Variants in ASIC2 observed in about 807,000 individuals in gnomAD.
The protein encoded by ASIC2 is acid-sensing ion channel 2.
A neutral mutation model predicts 57.3 loss-of-function variants in ASIC2; 25 were observed. That is an observed-to-expected ratio of 0.44 (90% CI 0.32 to 0.61). The LOEUF is 0.61. Among genes scored for constraint, ASIC2 ranks in the 20% least tolerant of loss-of-function variants. ASIC2 has a pLI of 0.06. For missense variants in ASIC2, 641 were observed against 738.1 expected, an observed-to-expected ratio of 0.87 and a Z score of 1.52; for synonymous variants, 319 against 307.5, an observed-to-expected ratio of 1.04 and a Z score of -0.39.
intron 1 of ASIC2, among the ~76,000 whole-genome samples, chr17:33,781,304 G>A (rs72814927): frequency 0.024 from 3,688 of 152,362 alleles, 77 homozygotes; most frequent in Non-Finnish European, 0.041. Context: ...CAGCATTTCT[G>A]AGTGGCTGGC....
intron 1 of ASIC2, among the ~76,000 whole-genome samples, chr17:33,422,356 C>G (rs1414254881): frequency 1.3e-5 from 2 of 152,194 alleles, no homozygotes; most frequent in Admixed American, 1.3e-4. Context: ...CCCACAGCTC[C>G]ACCCTGGGAA....
chr17:33,990,761 C>A (rs1427337662), intron 1 of ASIC2, among the ~76,000 whole-genome samples: 1 of 152,088 alleles, frequency 6.6e-6, no homozygotes, highest in African/African-American at 2.4e-5. Flanking sequence ...ATAAAGGGTG[C>A]ACCAAGGAGG....
chr17:33,976,208 T>C (rs1905380808), intron 1 of ASIC2, among the ~76,000 whole-genome samples: 1 of 151,656 alleles, frequency 6.6e-6, no homozygotes, highest in South Asian at 2.1e-4. Context: ...CTCAAATAAC[T>C]GTTGAGTGAG....
intron 1 of ASIC2, among the ~76,000 whole-genome samples, chr17:33,416,940 T>C (rs939252664): frequency 6.6e-6 from 1 of 152,086 alleles, no homozygotes; most frequent in African/African-American, 2.4e-5. Flanking sequence ...TCCCTGCCCA[T>C]GCTAGACAGT....
chr17:33,837,867 G>A (rs1464492387), intron 1 of ASIC2, among the ~76,000 whole-genome samples: 1 of 151,912 alleles, frequency 6.6e-6, no homozygotes, highest in African/African-American at 2.4e-5. Flanking sequence ...TCTACATCCA[G>A]GTCTCTGTGC....
intron 1 of ASIC2, among the ~76,000 whole-genome samples, chr17:33,123,753 A>G (rs868186455): frequency 2.0e-5 from 3 of 152,246 alleles, no homozygotes; most frequent in South Asian, 2.1e-4. Context: ...TACTGCTGTG[A>G]GTGTGCTTTA....
At chr17:33,455,562 T>C (rs550603319) in intron 1 of ASIC2, among the ~76,000 whole-genome samples, 1 of 152,386 alleles carries the variant, frequency 6.6e-6, no homozygotes, top group South Asian at 2.1e-4. Context: ...ATGGTGAATA[T>C]GCAACACATT....
At chr17:33,331,643 T>G (rs1907315811) in intron 1 of ASIC2, among the ~76,000 whole-genome samples, 1 of 152,254 alleles carries the variant, frequency 6.6e-6, no homozygotes, top group Admixed American at 6.5e-5. Flanking sequence ...CCCTTTGTTA[T>G]GTCACATAAT....
At chr17:33,883,531 T>A (rs1246353747) in intron 1 of ASIC2, among the ~76,000 whole-genome samples, 1 of 152,150 alleles carries the variant, frequency 6.6e-6, no homozygotes, top group Non-Finnish European at 1.5e-5. Flanking sequence ...CTAAGCAGCC[T>A]CATCTAGTGC....
chr17:33,813,515 C>T (rs918430450), intron 1 of ASIC2, among the ~76,000 whole-genome samples: 2 of 152,214 alleles, frequency 1.3e-5, no homozygotes, highest in Non-Finnish European at 2.9e-5. Flanking sequence ...TGGCTCACTG[C>T]AAGCTCCACC....
intron 3 of ASIC2, among the ~76,000 whole-genome samples, chr17:33,037,144 A>G (rs1056651798): frequency 6.6e-6 from 1 of 151,874 alleles, no homozygotes; most frequent in Non-Finnish European, 1.5e-5. Context: ...AAAAAAAAAA[A>G]AAAAGAATTG....
intron 1 of ASIC2, chr17:33,581,189 G>A (rs1439954555): frequency 6.6e-6 from 1 of 152,224 alleles, no homozygotes; most frequent in Non-Finnish European, 1.5e-5. Context: ...AAGTCAGAGA[G>A]ATTCAAAGCA....
intron 1 of ASIC2, among the ~76,000 whole-genome samples, chr17:33,813,290 C>T (rs545235339): frequency 4.6e-5 from 7 of 152,142 alleles, no homozygotes; most frequent in African/African-American, 7.2e-5. Flanking sequence ...GCCACTCAGC[C>T]GCAAACTCAG....
intron 3 of ASIC2, among the ~76,000 whole-genome samples, chr17:33,059,551 G>T (rs537748150): frequency 4.5e-4 from 68 of 152,242 alleles, no homozygotes; most frequent in African/African-American, 1.5e-3. Context: ...TCTTAATCCA[G>T]TCTATCATTG....
chr17:33,067,420 T>C (rs2141946049), intron 3 of ASIC2, among the ~76,000 whole-genome samples: 2 of 152,264 alleles, frequency 1.3e-5, no homozygotes, highest in East Asian at 3.9e-4. Context: ...GTTGGATTTG[T>C]ATATGAGGAG....
intron 1 of ASIC2, among the ~76,000 whole-genome samples, chr17:34,008,605 T>C (rs980101649): frequency 2.0e-5 from 3 of 152,114 alleles, no homozygotes; most frequent in Non-Finnish European, 4.4e-5. Flanking sequence ...GAGAGACCAA[T>C]GCTGCAGGAA....
chr17:33,449,761 T>A (rs753492535), intron 1 of ASIC2, among the ~76,000 whole-genome samples: 1 of 149,644 alleles, frequency 6.7e-6, no homozygotes, highest in African/African-American at 2.4e-5. Context: ...ACAGAATAAT[T>A]TTCTTTTTTC....
At chr17:33,261,935 G>A (rs985028236) in intron 1 of ASIC2, among the ~76,000 whole-genome samples, 1 of 152,194 alleles carries the variant, frequency 6.6e-6, no homozygotes, top group African/African-American at 2.4e-5. Context: ...GCCTCTTGCT[G>A]TCACTGAAGT....
At chr17:33,278,662 T>G (rs923281075) in intron 1 of ASIC2, among the ~76,000 whole-genome samples, 3 of 152,114 alleles carry the variant, frequency 2.0e-5, no homozygotes, top group Non-Finnish European at 4.4e-5. Flanking sequence ...TCCATTTCCC[T>G]CTGTATCCCA....
Sources: gnomAD v4.1 joint callset for allele counts (sites outside exome capture counted in the v4.1 genomes callset) on GRCh38, gnomAD v4.1.1 for gene constraint, MANE v1.5 for transcripts, NCBI Gene and HGNC (gene_info 2026-07-23, HGNC 2026-07-21) for gene names.